ATP13A2: variants seen among roughly 807,000 people sequenced by gnomAD.
ATP13A2 encodes the protein ATPase cation transporting 13A2, also known as polyamine-transporting ATPase 13A2.
ATP13A2 carries 83 observed loss-of-function variants against 138.3 expected under a neutral mutation model. The observed-to-expected ratio is 0.60, with a 90% confidence interval of 0.50 to 0.72. ATP13A2 has a LOEUF of 0.72. Among genes scored for constraint, ATP13A2 ranks in the 30% least tolerant of loss-of-function variants. The pLI, the probability that ATP13A2 is intolerant of heterozygous loss-of-function variation, is 0.00. For missense variants in ATP13A2, 1,402 were observed against 1,606.4 expected (o/e 0.87, Z 2.17); for synonymous variants, 663 against 699.0 (o/e 0.95, Z 0.81).
intron 8 of ATP13A2, among the ~76,000 whole-genome samples, chr1:17,001,263 C>CAAAAAAAAAAAAAAAAA (rs376331099): frequency 5.6e-5 from 7 of 123,998 alleles, no homozygotes; most frequent in African/African-American, 9.4e-5. Flanking sequence ...ACTAAAAATA[C>CAAAAAAAAAAAAAAAAA]AAAAAAAAAA....
At chr1:16,992,917 T>G (rs1307609768) in intron 16 of ATP13A2, among the ~76,000 whole-genome samples, 2 of 152,200 alleles carry the variant, frequency 1.3e-5, no homozygotes, top group African/African-American at 2.4e-5. Flanking sequence ...CCATTATTAT[T>G]ATGTTACTTT....
Position 16,996,304 on chromosome 1 carries a change from T to C in ATP13A2, c.1307-4A>G. 6.2e-7 allele frequency: 1 copy of C among 1,613,810 alleles called. No homozygotes were observed. The highest frequency in any genetic ancestry group is 8.5e-7 in the Non-Finnish European group (1 of 1,179,944). The stretch of plus-strand genomic sequence containing the variant: ...CTGTAGATGGTGCCGAGGAGAGCTG[T>C]GGGGACAGCGAAGGACTGAGTGGGA... On this transcript the variant is annotated splice_polypyrimidine_tract_variant and splice_region_variant and intron_variant, in intron 13 of 28. Coordinates refer to ENST00000326735, the MANE Select transcript of ATP13A2 (RefSeq NM_022089.4).
intron 23 of ATP13A2, 60 bp downstream of exon 23, chr1:16,989,631 G>T: frequency 1.9e-6 from 3 of 1,558,330 alleles, no homozygotes; most frequent in South Asian, 1.1e-5. Flanking sequence ...CAGATGAACA[G>T]ACGAACGGAC....
intron 6 of ATP13A2, among the ~76,000 whole-genome samples, chr1:17,002,995 T>G (rs2077416663): frequency 6.6e-6 from 1 of 152,126 alleles, no homozygotes; most frequent in South Asian, 2.1e-4. Context: ...CCGGAAAGCG[T>G]GGAAGACTTT....
chr1:16,992,718 A>T, intron 16 of ATP13A2, 137 bp from the exon 17 acceptor site: 1 of 834,542 alleles, frequency 1.2e-6, no homozygotes, highest in Non-Finnish European at 1.9e-6. Flanking sequence ...CGGTGGACTC[A>T]AATTCAAACT....
rs1293212340 is a variant in ATP13A2, at chr1:17,011,491, G to A, written c.10+238C>T. The stretch of plus-strand genomic sequence containing the variant: ...CCGCGGCTGAGGGGTGCAGGGGAGG[G>A]GAGGGACCGGCTGCGAGCGGCGGCG... On this transcript the variant is annotated intron_variant, in intron 1 of 28. Coordinates refer to ENST00000326735, the MANE Select transcript of ATP13A2 (RefSeq NM_022089.4). This position sits in a 1 kb window ranked among gnomAD's most constrained non-coding sequence, Gnocchi z 7.3. Among the ~76,000 whole-genome samples, 1 of 152,132 alleles carries A rather than the reference G, an allele frequency of 6.6e-6. No homozygotes were observed. Among genetic ancestry groups the A allele is most frequent in the African/African-American group, 2.4e-5 (1 of 41,442 alleles).
Position 16,990,083 on chromosome 1 carries a change from G to A in ATP13A2, c.2412+44C>T, listed in dbSNP as rs1017231900. The A allele has an allele frequency of 2.5e-6, 4 of 1,613,854 alleles. No individual in the cohort carries two copies. In the East Asian group the frequency reaches 6.7e-5, roughly 27 times the overall value. ...GCCTGGGTCAGGTGACACAGGGGTG[G>A]GGTCACTGGGTGAGGTACAGCTGGA... On this transcript the variant is annotated intron_variant, in intron 21 of 28. Transcript: ENST00000326735.
chr1:16,990,592 A>G (rs1358251102), intron 20 of ATP13A2, among the ~76,000 whole-genome samples: 1 of 151,776 alleles, frequency 6.6e-6, no homozygotes, highest in Non-Finnish European at 1.5e-5. Flanking sequence ...ATCTCGGCTC[A>G]CTGCAACCTC....
In ATP13A2 at chr1:17,011,075, T is replaced by C. The variant is rs2077769744; in HGVS notation, c.10+654A>G. The stretch of plus-strand genomic sequence containing the variant: ...GACACTGAGATGAGACCTTTCTGGA[T>C]AGGGGAGGAGGACTGGCCCCATTCC... On this transcript the variant is annotated intron_variant, in intron 1 of 28. Coordinates refer to ENST00000326735, the MANE Select transcript of ATP13A2 (RefSeq NM_022089.4). The surrounding 1 kb of genome is among the most constrained non-coding windows in gnomAD (Gnocchi z 7.3). Among the ~76,000 whole-genome samples, 1 of 152,034 alleles carries C rather than the reference T, an allele frequency of 6.6e-6. No individual in the cohort carries two copies. The highest frequency in any genetic ancestry group is 1.5e-5 in the Non-Finnish European group (1 of 68,000).
Position 16,996,254 on chromosome 1 carries a change from CCGGTTT to C in ATP13A2, c.1347_1352del (p.Asn450_Arg451del). The C allele has an allele frequency of 6.2e-7, 1 of 1,614,168 alleles. No individual in the cohort carries two copies. The highest frequency in any genetic ancestry group is 8.5e-7 in the Non-Finnish European group (1 of 1,180,036). On this transcript the variant is annotated inframe_deletion and splice_region_variant, in exon 14 of 29. Coordinates refer to ENST00000326735, the MANE Select transcript of ATP13A2 (RefSeq NM_022089.4). ...CCCCCACCCCACCCCCAAGGCTTAC[CCGGTTT>C]CGGTAGAGGATGAAGATGCTGTAGA...
chr1:16,994,433 ATGT>A (rs1167123659), intron 15 of ATP13A2, among the ~76,000 whole-genome samples: 1 of 151,866 alleles, frequency 6.6e-6, no homozygotes, highest in African/African-American at 2.4e-5. Flanking sequence ...GGGTTTCACC[ATGT>A]TGGTCAGGCT....
In ATP13A2 at chr1:16,986,350, T is replaced by C. The variant is rs1220221077; in HGVS notation, c.3414A>G (p.Leu1138=). 14 of 1,578,390 alleles carry C rather than the reference T, an allele frequency of 8.9e-6. No homozygotes were observed. Among genetic ancestry groups the C allele is most frequent in the African/African-American group, 2.7e-5 (2 of 74,210 alleles). Residue 1138 remains leucine (L), a synonymous_variant, in exon 29 of 29, where the codon CTA becomes CTG. Transcript: ENST00000326735. This position sits in a 1 kb window ranked among gnomAD's most constrained non-coding sequence, Gnocchi z 6.9. Reference sequence around the variant, plus strand: ...GCAGGCAGGCGGGGAGGCACTGGTCTAGCACGCTCTGCAAAGGGCAGGGAG... The same window carrying C: ...GCAGGCAGGCGGGGAGGCACTGGTCCAGCACGCTCTGCAAAGGGCAGGGAG... ...FVGAFMLESV[L]DQCLPACLRR...
chr1:16,994,817 C>T (rs1199771435), intron 15 of ATP13A2, among the ~76,000 whole-genome samples: 2 of 152,186 alleles, frequency 1.3e-5, no homozygotes, highest in South Asian at 2.1e-4. Context: ...CATATGTCAC[C>T]GTGCCTGGCT....
chr1:17,002,525 A>G (rs2077399315), intron 6 of ATP13A2, 152 bp from the exon 7 acceptor site: 3 of 914,684 alleles, frequency 3.3e-6, no homozygotes, highest in Non-Finnish European at 4.9e-6. Flanking sequence ...CTTGAACCCA[A>G]GGCTTGGCTT....
At position 16,997,179 on chromosome 1, in the gene ATP13A2, G is replaced by C. The variant is rs2077161940; in HGVS notation, c.1040-4C>G. 6.2e-7 allele frequency: 1 copy of C among 1,613,230 alleles called. No homozygotes were observed. Among genetic ancestry groups the C allele is most frequent in the Non-Finnish European group, 8.5e-7 (1 of 1,180,034 alleles). ...TTCAGCACTGGAATGCTCTCTCCTG[G>C]TGGGGAACGTGGTGTGAGGACCACT... On this transcript the variant is annotated splice_region_variant and splice_polypyrimidine_tract_variant and intron_variant, in intron 11 of 28. Coordinates refer to ENST00000326735, the MANE Select transcript of ATP13A2 (RefSeq NM_022089.4).
At chr1:16,990,412 G>T in intron 20 of ATP13A2, 125 bp from the exon 21 acceptor site, 2 of 1,259,560 alleles carry the variant, frequency 1.6e-6, no homozygotes, top group Non-Finnish European at 2.2e-6. Context: ...AGTGAGCTGA[G>T]GCAGGTTACC....
In ATP13A2 at chr1:17,004,673, G is replaced by A. The variant is rs2077483779; in HGVS notation, c.477+19C>T. ...GAAACCGAGGCCGAGAGAGGGGCAA[G>A]GACTTTTTCAGAACCCACCTGTCCG... is the stretch of plus-strand genomic sequence containing the variant. On this transcript the variant is annotated intron_variant, in intron 5 of 28. Coordinates refer to ENST00000326735, the MANE Select transcript of ATP13A2 (RefSeq NM_022089.4). This position sits in a 1 kb window ranked among gnomAD's most constrained non-coding sequence, Gnocchi z 4.1. 1.2e-6 allele frequency: 2 copies of A among 1,613,876 alleles called. No individual in the cohort carries two copies. The highest frequency in any genetic ancestry group is 3.3e-5 in the Admixed American group (2 of 60,000).
chr1:17,005,144 C>CG, intron 3 of ATP13A2, 72 bp from the exon 4 acceptor site: 2 of 1,593,996 alleles, frequency 1.3e-6, no homozygotes, highest in Non-Finnish European at 1.7e-6. Context: ...TACAGCCAGG[C>CG]GGCCCCTGCT....
intron 1 of ATP13A2, among the ~76,000 whole-genome samples, chr1:17,007,529 T>A (rs2077603425): frequency 6.7e-6 from 1 of 148,956 alleles, no homozygotes; most frequent in African/African-American, 2.5e-5. Context: ...TCCCCCAATC[T>A]GAGCCCTTCT....
Sources: gnomAD v4.1 joint callset for allele counts (sites outside exome capture counted in the v4.1 genomes callset) on GRCh38, gnomAD v4.1.1 for gene constraint, Gnocchi (gnomAD v3.1) non-coding constraint, MANE v1.5 for transcripts, NCBI Gene and HGNC (gene_info 2026-07-23, HGNC 2026-07-21) for gene names.